Variants in WDR27 observed in about 807,000 individuals in gnomAD.
WDR27 encodes WD repeat-containing protein 27.
In WDR27, 100 loss-of-function variants were observed where a neutral mutation model predicts 114.4. The observed-to-expected ratio is 0.87, with a 90% CI of 0.74 to 1.03. The LOEUF is 1.03. Ranked by LOEUF, WDR27 falls within the 50% of genes least tolerant of loss-of-function variation. The probability of loss-of-function intolerance (pLI) is 0.00; values close to 1 mark genes in which losing one functional copy is unlikely to be tolerated. For missense variants in WDR27, 1,129 were observed against 1,092.9 expected, an observed-to-expected ratio of 1.03 and a Z score of -0.47; for synonymous variants, 449 against 423.1, an observed-to-expected ratio of 1.06 and a Z score of -0.75.
At chr6:169,542,027 T>C (rs1214345193) in intron 25 of WDR27, among the ~76,000 whole-genome samples, 2 of 152,182 alleles carry the variant, frequency 1.3e-5, no homozygotes. Context: ...GAAAGGGGTA[T>C]AGATTTTAGA....
chr6:169,669,710 A>G (rs1400518531), intron 4 of WDR27: 2 of 152,150 alleles, frequency 1.3e-5, no homozygotes, highest in African/African-American at 4.8e-5. Flanking sequence ...GAAGCCCTTT[A>G]CCTAACTCCT....
At chr6:169,524,059 A>T (rs1168118997) in intron 25 of WDR27, among the ~76,000 whole-genome samples, 2 of 152,042 alleles carry the variant, frequency 1.3e-5, no homozygotes, top group African/African-American at 4.8e-5. Context: ...CAACCAAAAA[A>T]CTCTTAGAAC....
rs111549648 is a variant in WDR27 at position 169,664,122 on chromosome 6, T to A, written c.904+44A>T. ...CCTTGACATGGCGCCTGGTGAAAGA[T>A]CTGGGCCAAGTGGGAGGCCTGAGGG... On this transcript the variant is annotated intron_variant, in intron 8 of 25. Coordinates refer to ENST00000448612, the MANE Select transcript of WDR27 (RefSeq NM_182552.5). 3.9e-5 allele frequency: 59 copies of A among 1,519,102 alleles called. No homozygotes were observed. The African/African-American group carries it at 7.4e-4, about 19-fold the overall frequency. 94.1% of individuals were successfully genotyped at this position (1,519,102 alleles called of 1,614,324 possible).
intron 25 of WDR27, among the ~76,000 whole-genome samples, chr6:169,522,684 C>T (rs1225180108): frequency 6.6e-6 from 1 of 151,760 alleles, no homozygotes; most frequent in Non-Finnish European, 1.5e-5. Context: ...AATACACAAA[C>T]ACATGAAAAT....
chr6:169,654,955 G>A (rs750030174), intron 13 of WDR27, among the ~76,000 whole-genome samples: 6 of 152,196 alleles, frequency 3.9e-5, no homozygotes, highest in Non-Finnish European at 7.3e-5. Flanking sequence ...GGGAAAGGAG[G>A]GGATTTTTAG....
At chr6:169,594,936 G>A (rs1200164091) in intron 23 of WDR27, among the ~76,000 whole-genome samples, 2 of 152,148 alleles carry the variant, frequency 1.3e-5, no homozygotes, top group African/African-American at 4.8e-5. Flanking sequence ...AGCACTTTGG[G>A]AGGCTGAGGC....
chr6:169,534,274 G>A (rs79095468), intron 25 of WDR27, among the ~76,000 whole-genome samples: 2,487 of 152,246 alleles, frequency 0.016, 64 homozygotes, highest in African/African-American at 0.057. Flanking sequence ...TTCATAGATT[G>A]CTAGATTTTA....
At chr6:169,560,180 T>G (rs1799488601) in intron 25 of WDR27, among the ~76,000 whole-genome samples, 1 of 152,134 alleles carries the variant, frequency 6.6e-6, no homozygotes, top group East Asian at 1.9e-4. Flanking sequence ...CCCGTGCTGT[T>G]CTCGTGATAG....
At chr6:169,615,042 GGAA>G (rs1224138988) in intron 21 of WDR27, among the ~76,000 whole-genome samples, 42 of 151,794 alleles carry the variant, frequency 2.8e-4, no homozygotes, top group African/African-American at 8.5e-4. Context: ...TAGAGGGTGA[GGAA>G]GAAGAAATAA....
chr6:169,693,133 C>T (rs1403589666), intron 1 of WDR27, among the ~76,000 whole-genome samples: 2 of 152,166 alleles, frequency 1.3e-5, no homozygotes, highest in Non-Finnish European at 2.9e-5. Flanking sequence ...ATCAGATTAA[C>T]AGCTGACTTC....
downstream of WDR27, among the ~76,000 whole-genome samples, chr6:169,454,926 C>T (rs999731072): frequency 1.3e-5 from 2 of 152,238 alleles, no homozygotes; most frequent in Admixed American, 1.3e-4. Flanking sequence ...AGCCTGTGTC[C>T]ACTCGGTTGG....
intron 25 of WDR27, among the ~76,000 whole-genome samples, chr6:169,571,600 G>C (rs1801435049): frequency 6.6e-6 from 1 of 152,226 alleles, no homozygotes; most frequent in Non-Finnish European, 1.5e-5. Context: ...AGCCGAGGCA[G>C]GAGGATCGCT....
At chr6:169,511,934 T>A (rs1444834698) in intron 25 of WDR27, among the ~76,000 whole-genome samples, 2 of 152,190 alleles carry the variant, frequency 1.3e-5, no homozygotes, top group African/African-American at 4.8e-5. Flanking sequence ...TAAAATGTAA[T>A]GATTGGGGAA....
intron 13 of WDR27, among the ~76,000 whole-genome samples, chr6:169,652,296 T>C (rs1822809388): frequency 6.6e-6 from 1 of 152,266 alleles, no homozygotes; most frequent in South Asian, 2.1e-4. Context: ...TCGCTAAGGC[T>C]GGACTGCAGT....
At chr6:169,459,494 G>A (rs1784658608) in intron 25 of WDR27, among the ~76,000 whole-genome samples, 1 of 151,664 alleles carries the variant, frequency 6.6e-6, no homozygotes, top group Non-Finnish European at 1.5e-5. Flanking sequence ...AATAACAGTT[G>A]AAAACTCCCA....
At chr6:169,428,945 C>T in the WDR27 span, among the ~76,000 whole-genome samples, 1 of 152,182 alleles carries the variant, frequency 6.6e-6, no homozygotes, top group Admixed American at 6.5e-5. Context: ...GTTGTCCTCA[C>T]TGGAAATGGA....
In WDR27 at chr6:169,602,245, CG is replaced by C; in HGVS notation, c.2397del (p.Phe799LeufsTer92). The C allele has an allele frequency of 1.3e-6, 2 of 1,561,838 alleles. No individual in the cohort carries two copies. Among genetic ancestry groups the C allele is most frequent in the Non-Finnish European group, 1.7e-6 (2 of 1,151,698 alleles). On this transcript the variant is annotated frameshift_variant, in exon 23 of 26. Transcript: ENST00000448612. LOFTEE classifies it high-confidence loss of function. ...CGIAFSPCGR[F>X]AACGAEDRHA... ...TGTCTGTCCTCGGCCCCACAAGCCG[CG>C]AATCGTCCACAAGGACTGAAAGCGA...
intron 25 of WDR27, among the ~76,000 whole-genome samples, chr6:169,552,298 T>C (rs1348562461): frequency 6.6e-6 from 1 of 152,066 alleles, no homozygotes; most frequent in Non-Finnish European, 1.5e-5. Context: ...AATAAGCACG[T>C]AGATGACCAC....
intron 25 of WDR27, among the ~76,000 whole-genome samples, chr6:169,568,352 A>G (rs1345784780): frequency 2.6e-5 from 4 of 152,218 alleles, no homozygotes; most frequent in Non-Finnish European, 5.9e-5. Context: ...TACTTGCTCC[A>G]CATCTAGTAC....
Sources: allele counts gnomAD v4.1 joint callset (sites outside exome capture counted in the v4.1 genomes callset), GRCh38; gene constraint gnomAD v4.1.1; transcripts MANE v1.5; gene names NCBI Gene and HGNC (gene_info 2026-07-23, HGNC 2026-07-21).